Variants in AGBL2 observed in about 807,000 individuals in gnomAD.
AGBL2 encodes the protein cytosolic carboxypeptidase 2.
In AGBL2, 87 loss-of-function variants were observed where a neutral mutation model predicts 103.0. That is an observed-to-expected ratio of 0.84 (90% CI 0.71 to 1.01). The LOEUF (loss-of-function observed/expected upper bound fraction) is 1.01. Ranked by LOEUF, AGBL2 falls within the 50% of genes least tolerant of loss-of-function variation. The pLI is 0.00. For synonymous variants in AGBL2, 335 were observed against 356.7 expected (o/e 0.94, Z 0.69); for missense variants, 904 against 1,023.5 (o/e 0.88, Z 1.59).
intron 9 of AGBL2, among the ~76,000 whole-genome samples, chr11:47,691,737 T>TATATATATATAC (rs1378188233): frequency 4.3e-5 from 1 of 23,464 alleles, no homozygotes; most frequent in African/African-American, 1.0e-4. Flanking sequence ...AAAATATATA[T>TATATATATATAC]ATATATATAT....
intron 13 of AGBL2, among the ~76,000 whole-genome samples, chr11:47,678,242 G>T (rs1168547569): frequency 6.6e-6 from 1 of 151,754 alleles, no homozygotes; most frequent in Non-Finnish European, 1.5e-5. Context: ...GATTACAGGC[G>T]TGAGCCATCA....
At position 47,710,486 on chromosome 11, in the gene AGBL2, A is replaced by G. The variant is rs1315010287; in HGVS notation, c.123T>C (p.Ser41=). Residue 41 remains serine, a synonymous_variant, in exon 4 of 19, where the codon TCT becomes TCC. Coordinates refer to ENST00000525123, the MANE Select transcript of AGBL2 (RefSeq NM_024783.4). ...FKAQRGSLPN[S]ATHQHVRKNN... is the part of the protein sequence containing the mutation. The stretch of plus-strand genomic sequence containing the variant: ...TCTTCCGAACATGCTGATGCGTAGC[A>G]GAGTTTGGTAAACTGCCTCTCTGAG... The G allele has an allele frequency of 6.2e-7, 1 of 1,614,192 alleles. No individual in the cohort carries two copies. Among genetic ancestry groups the G allele is most frequent in the Non-Finnish European group, 8.5e-7 (1 of 1,180,036 alleles).
chr11:47,682,189 G>T, intron 11 of AGBL2, 94 bp from the exon 12 acceptor site: 1 of 1,258,218 alleles, frequency 7.9e-7, no homozygotes, highest in Non-Finnish European at 1.1e-6. Flanking sequence ...TTTCCTTGGG[G>T]TCCATATGTT....
intron 8 of AGBL2, among the ~76,000 whole-genome samples, chr11:47,695,777 A>G (rs2097467138): frequency 6.6e-6 from 1 of 151,056 alleles, no homozygotes; most frequent in African/African-American, 2.4e-5. Flanking sequence ...CCTGTCTAAA[A>G]ATTAAAAAAA....
chr11:47,704,482 C>CA (rs571226870), intron 7 of AGBL2, 61 bp downstream of exon 7: 125,292 of 1,063,696 alleles, frequency 0.12, 35 homozygotes, highest in Non-Finnish European at 0.13. Context: ...GACTTCGTCT[C>CA]AAAAAAAAAA....
At chr11:47,706,890 C>CATAAAA (rs1554968232) in intron 4 of AGBL2, among the ~76,000 whole-genome samples, 2 of 53,240 alleles carry the variant, frequency 3.8e-5, no homozygotes, top group Non-Finnish European at 6.1e-5. Context: ...CTCTACTATT[C>CATAAAA]CAAAAAAAAA....
intron 7 of AGBL2, 59 bp downstream of exon 7, chr11:47,704,482 CAA>C (rs571226870): frequency 0.033 from 34,050 of 1,025,666 alleles, no homozygotes; most frequent in South Asian, 0.049. Flanking sequence ...GACTTCGTCT[CAA>C]AAAAAAAAAA....
chr11:47,711,994 G>A (rs2097537644), intron 3 of AGBL2, among the ~76,000 whole-genome samples: 1 of 152,186 alleles, frequency 6.6e-6, no homozygotes, highest in Non-Finnish European at 1.5e-5. Flanking sequence ...GATCGCTTAA[G>A]CCTGGGAAGT....
intron 16 of AGBL2, 100 bp downstream of exon 16, chr11:47,667,471 T>C: frequency 7.2e-7 from 1 of 1,386,088 alleles, no homozygotes; most frequent in Non-Finnish European, 9.9e-7. Context: ...CCAATCTCCA[T>C]CCCCTTTTTG....
chr11:47,669,104 G>A (rs909481988), intron 14 of AGBL2, among the ~76,000 whole-genome samples, 197 bp from the exon 15 acceptor site: 22 of 152,082 alleles, frequency 1.4e-4, no homozygotes, highest in African/African-American at 5.3e-4. Context: ...GTCTCACTCT[G>A]TCACCCAGGC....
chr11:47,710,164 C>T (rs917682491), intron 4 of AGBL2: 6 of 545,038 alleles, frequency 1.1e-5, no homozygotes, highest in African/African-American at 7.6e-5. Flanking sequence ...GCTGAGATTA[C>T]AGGCGTGATC....
intron 3 of AGBL2, 32 bp from the exon 4 acceptor site, chr11:47,710,543 G>T (rs773115301): frequency 6.2e-7 from 1 of 1,611,998 alleles, no homozygotes; most frequent in Admixed American, 1.7e-5. Context: ...AAAGTTGCTG[G>T]AAGGCCGACT....
At chr11:47,688,642 G>T (rs576481588) in intron 10 of AGBL2, among the ~76,000 whole-genome samples, 287 of 152,232 alleles carry the variant, frequency 1.9e-3, no homozygotes, top group Middle Eastern at 0.014. Flanking sequence ...CCCAAGGCAG[G>T]TATTATTTTT....
chr11:47,681,891 A>C, intron 12 of AGBL2, 78 bp downstream of exon 12: 2 of 1,539,156 alleles, frequency 1.3e-6, no homozygotes, highest in Non-Finnish European at 1.8e-6. Context: ...CCCAGCATTC[A>C]AAGGCATTTT....
In AGBL2 at chr11:47,699,565, C is replaced by T. The variant is rs1282319177; in HGVS notation, c.587-12G>A. On this transcript the variant is annotated splice_polypyrimidine_tract_variant and intron_variant, in intron 7 of 18. Coordinates refer to ENST00000525123, the MANE Select transcript of AGBL2 (RefSeq NM_024783.4). ...AGGTGGAGCCCACTCTGAAAGAAGACATTTTAAAAAGTACAAAATAAGAAA... is the reference window on the plus strand; with the variant it reads ...AGGTGGAGCCCACTCTGAAAGAAGATATTTTAAAAAGTACAAAATAAGAAA... 6.4e-6 allele frequency: 9 copies of T among 1,400,814 alleles called. No homozygotes were observed. Among genetic ancestry groups the T allele is most frequent in the Non-Finnish European group, 8.9e-6 (9 of 1,009,536 alleles). The allele number at this position is 1,400,814 out of a possible 1,614,324, so 86.8% of individuals were successfully genotyped here.
At chr11:47,664,713 C>T (rs1475440897) in intron 17 of AGBL2, among the ~76,000 whole-genome samples, 3 of 151,748 alleles carry the variant, frequency 2.0e-5, no homozygotes, top group African/African-American at 7.3e-5. Flanking sequence ...GCCCAGCCCA[C>T]ATCCAGCTAA....
chr11:47,679,524 G>A (rs1329460639), intron 13 of AGBL2, among the ~76,000 whole-genome samples: 2 of 152,070 alleles, frequency 1.3e-5, no homozygotes, highest in Admixed American at 6.6e-5. Context: ...CAGTCTGGGG[G>A]CTTTCTTATT....
At chr11:47,662,502 T>A (rs1030693456) in intron 18 of AGBL2, among the ~76,000 whole-genome samples, 8 of 144,202 alleles carry the variant, frequency 5.5e-5, no homozygotes, top group Non-Finnish European at 1.5e-5. Context: ...TCACTTTTTT[T>A]TTTTTTTTTA....
In AGBL2 at chr11:47,677,397, G is replaced by A. The variant is rs1264429950; in HGVS notation, c.2021C>T (p.Thr674Ile). ...DFCDPDQMKFTQCLAELKELL... is the reference protein window; with the variant it reads ...DFCDPDQMKFIQCLAELKELL... Reference sequence around the variant, plus strand: ...CTCCTTAAGCTCTGCTAGACACTGAGTGAACTATGAAAGTGAAAAAAAGAA... The same window carrying A: ...CTCCTTAAGCTCTGCTAGACACTGAATGAACTATGAAAGTGAAAAAAAGAA... The change falls in exon 14 of 19, where the codon ACT (threonine) becomes ATT (isoleucine). Residue 674 changes from threonine (T) to isoleucine (I), a missense_variant. Coordinates refer to ENST00000525123, the MANE Select transcript of AGBL2 (RefSeq NM_024783.4). 1.3e-6 allele frequency: 2 copies of A among 1,524,508 alleles called. No individual in the cohort carries two copies. Among genetic ancestry groups the A allele is most frequent in the Non-Finnish European group, 1.8e-6 (2 of 1,139,448 alleles). 94.4% of individuals were successfully genotyped at this position (1,524,508 alleles called of 1,614,324 possible). A position where few individuals can be genotyped will look rare whatever the true frequency, so the allele number is the denominator to read the frequency against.
Sources: gnomAD v4.1 joint callset for allele counts (sites outside exome capture counted in the v4.1 genomes callset) on GRCh38, gnomAD v4.1.1 for gene constraint, MANE v1.5 for transcripts, NCBI Gene and HGNC (gene_info 2026-07-23, HGNC 2026-07-21) for gene names.